NCK1: variants seen among roughly 807,000 people sequenced by gnomAD.
The protein encoded by NCK1 is SH2/SH3 adapter protein NCK1.
NCK1 carries 19 observed loss-of-function variants against 36.6 expected under a neutral mutation model. The ratio of observed to expected loss-of-function variants is 0.52; its 90% confidence interval spans 0.36 to 0.76. NCK1 has a LOEUF of 0.76. Ranked by LOEUF, NCK1 falls within the 30% of genes least tolerant of loss-of-function variation. The probability of loss-of-function intolerance (pLI) is 0.00; values close to 1 mark genes in which losing one functional copy is unlikely to be tolerated. For synonymous variants in NCK1, 165 were observed against 156.0 expected (o/e 1.06, Z -0.43); for missense variants, 358 against 445.6 (o/e 0.80, Z 1.77).
intron 1 of NCK1, among the ~76,000 whole-genome samples, chr3:136,873,694 G>A (rs1034221364): frequency 6.6e-6 from 1 of 152,108 alleles, no homozygotes; most frequent in Non-Finnish European, 1.5e-5. Flanking sequence ...GGAACCTGGT[G>A]GGAGGTAATT....
intron 1 of NCK1, among the ~76,000 whole-genome samples, chr3:136,925,268 A>G (rs1940208278): frequency 6.6e-6 from 1 of 152,154 alleles, no homozygotes; most frequent in Admixed American, 6.5e-5. Flanking sequence ...TTTAATTATA[A>G]AGATATTCAG....
chr3:136,943,514 A>G (rs1239329158), intron 2 of NCK1, among the ~76,000 whole-genome samples: 2 of 152,248 alleles, frequency 1.3e-5, no homozygotes, highest in East Asian at 3.8e-4. Context: ...CAGAAATTAT[A>G]GAAAATGAAA....
intron 1 of NCK1, among the ~76,000 whole-genome samples, chr3:136,911,966 A>G (rs1939836393): frequency 6.6e-6 from 1 of 151,970 alleles, no homozygotes; most frequent in Non-Finnish European, 1.5e-5. Context: ...ATCTGCTTAT[A>G]ATATCATTGA....
intron 1 of NCK1, among the ~76,000 whole-genome samples, chr3:136,887,652 G>A (rs1939108453): frequency 6.6e-6 from 1 of 152,180 alleles, no homozygotes. Flanking sequence ...AGATACAACT[G>A]TCATTGAATT....
At chr3:136,875,290 G>T (rs1938734723) in intron 1 of NCK1, among the ~76,000 whole-genome samples, 1 of 151,972 alleles carries the variant, frequency 6.6e-6, no homozygotes, top group Non-Finnish European at 1.5e-5. Context: ...GAGACAATGG[G>T]GTTTTCTAGA....
intron 1 of NCK1, among the ~76,000 whole-genome samples, chr3:136,886,414 C>T (rs1183966776): frequency 2.0e-5 from 3 of 152,136 alleles, no homozygotes; most frequent in Admixed American, 6.5e-5. Flanking sequence ...GCACATTCTC[C>T]TGTATACTCG....
intron 2 of NCK1, among the ~76,000 whole-genome samples, chr3:136,934,124 A>C (rs1214368466): frequency 6.6e-6 from 1 of 152,176 alleles, no homozygotes; most frequent in Non-Finnish European, 1.5e-5. Context: ...AGACTTCTAA[A>C]AATTTTTTAC....
chr3:136,862,711 A>G (rs894104684), intron 1 of NCK1, among the ~76,000 whole-genome samples: 6 of 152,210 alleles, frequency 3.9e-5, no homozygotes, highest in Non-Finnish European at 8.8e-5. Context: ...TCTCATGAAA[A>G]AGTCCTTTTG....
intron 1 of NCK1, among the ~76,000 whole-genome samples, chr3:136,925,977 C>A (rs1032358140): frequency 6.6e-6 from 1 of 152,178 alleles, no homozygotes; most frequent in Admixed American, 6.5e-5. Flanking sequence ...CCAATTTCAA[C>A]TTACCCTTGT....
chr3:136,872,624 C>A (rs540705315), intron 1 of NCK1, among the ~76,000 whole-genome samples: 1 of 152,156 alleles, frequency 6.6e-6, no homozygotes, highest in Non-Finnish European at 1.5e-5. Context: ...CAGGGCGTGT[C>A]GGAGGTCTTC....
At chr3:136,931,122 A>G (rs1940380741) in intron 2 of NCK1, among the ~76,000 whole-genome samples, 1 of 152,054 alleles carries the variant, frequency 6.6e-6, no homozygotes, top group Non-Finnish European at 1.5e-5. Context: ...GATTAATGTG[A>G]GATTTGATAT....
Position 136,867,249 on chromosome 3 carries a change from G to A in NCK1, c.-19+4896G>A, listed in dbSNP as rs1424599344. 5.3e-5 allele frequency among the ~76,000 whole-genome samples: 3 copies of A among 56,824 alleles called. 1 individual carries two copies. In the South Asian group the frequency reaches 2.5e-3, roughly 47 times the overall value. The allele number at this position is 56,824 out of a possible 152,430, so 37.3% of individuals were successfully genotyped here. On this transcript the variant is annotated intron_variant, in intron 1 of 3. Coordinates refer to ENST00000481752, the MANE Select transcript of NCK1 (RefSeq NM_001291999.2). ...CGTCCATCCATCCGTCTGTCCGTCC[G>A]TCTGTCTCTCTCTCTCTTTCTTTCT...
At chr3:136,923,182 T>G (rs1353607514) in intron 1 of NCK1, among the ~76,000 whole-genome samples, 1 of 152,010 alleles carries the variant, frequency 6.6e-6, no homozygotes, top group Non-Finnish European at 1.5e-5. Flanking sequence ...AATTAGAATT[T>G]TCAATTTTCT....
intron 2 of NCK1, among the ~76,000 whole-genome samples, chr3:136,935,250 A>G (rs1378017515): frequency 1.3e-5 from 2 of 152,198 alleles, no homozygotes; most frequent in Non-Finnish European, 2.9e-5. Flanking sequence ...GTTTTTAAAT[A>G]TAAGCTTCCA....
intron 1 of NCK1, among the ~76,000 whole-genome samples, chr3:136,911,533 C>T (rs1271985559): frequency 6.6e-6 from 1 of 152,066 alleles, no homozygotes; most frequent in Non-Finnish European, 1.5e-5. Context: ...ATTTTCATGT[C>T]TTTTTTTGAG....
At chr3:136,869,237 C>T (rs1210827152) in intron 1 of NCK1, among the ~76,000 whole-genome samples, 1 of 147,284 alleles carries the variant, frequency 6.8e-6, no homozygotes, top group Non-Finnish European at 1.5e-5. Flanking sequence ...AAGACTCTGT[C>T]TCAAAAAAAA....
Position 136,945,941 on chromosome 3 carries a change from A to G in NCK1, c.585A>G (p.Val195=). The G allele has an allele frequency of 6.2e-7, 1 of 1,614,100 alleles. No individual in the cohort carries two copies. Among genetic ancestry groups the G allele is most frequent in the Non-Finnish European group, 8.5e-7 (1 of 1,179,986 alleles). The stretch of plus-strand genomic sequence containing the variant: ...ATACTGGGCAAGTGTTGCATGTGGT[A>G]CAGGCTCTTTACCCATTCAGCTCAT... ...NLNTGQVLHV[V]QALYPFSSSN... Residue 195 remains valine (V), a synonymous_variant, in exon 3 of 4, where the codon GTA becomes GTG. Transcript: ENST00000481752.
chr3:136,898,376 A>G (rs1213010865), intron 1 of NCK1, among the ~76,000 whole-genome samples: 1 of 136,648 alleles, frequency 7.3e-6, no homozygotes, highest in Non-Finnish European at 1.6e-5. Flanking sequence ...GATAGGCAAG[A>G]CTCCCTCTCA....
At chr3:136,888,351 A>G (rs1939129781) in intron 1 of NCK1, among the ~76,000 whole-genome samples, 1 of 152,222 alleles carries the variant, frequency 6.6e-6, no homozygotes, top group African/African-American at 2.4e-5. Flanking sequence ...CATTAAAAGT[A>G]TACAATTCAG....
Sources: allele counts gnomAD v4.1 joint callset (sites outside exome capture counted in the v4.1 genomes callset), GRCh38; gene constraint gnomAD v4.1.1; transcripts MANE v1.5; gene names NCBI Gene and HGNC (gene_info 2026-07-23, HGNC 2026-07-21).